Variants in PTPRT observed in about 807,000 individuals in gnomAD.
PTPRT encodes receptor-type tyrosine-protein phosphatase T.
PTPRT carries 56 observed loss-of-function variants against 176.8 expected under a neutral mutation model. The observed-to-expected ratio is 0.32, with a 90% CI of 0.26 to 0.40. The LOEUF is 0.40. Among genes scored for constraint, PTPRT ranks in the 10% least tolerant of loss-of-function variants. PTPRT has a pLI of 1.00. For missense variants in PTPRT, 1,540 were observed against 1,908.2 expected (o/e 0.81, Z 3.60); for synonymous variants, 783 against 739.0 (o/e 1.06, Z -0.96).
intron 7 of PTPRT, among the ~76,000 whole-genome samples, chr20:42,585,070 G>A (rs1601322224): frequency 1.3e-5 from 2 of 152,154 alleles, no homozygotes; most frequent in East Asian, 1.9e-4. Context: ...TATTTGCTAC[G>A]TGGATACATG....
At chr20:42,774,911 T>C (rs1287226966) in intron 4 of PTPRT, among the ~76,000 whole-genome samples, 1 of 152,164 alleles carries the variant, frequency 6.6e-6, no homozygotes, top group Non-Finnish European at 1.5e-5. Flanking sequence ...TCCTGGCCTC[T>C]CTGACCCTCC....
intron 7 of PTPRT, among the ~76,000 whole-genome samples, chr20:42,589,496 G>C (rs1055528896): frequency 1.3e-5 from 2 of 152,186 alleles, no homozygotes; most frequent in African/African-American, 4.8e-5. Flanking sequence ...CATTTCTCCT[G>C]CATCCATCTT....
intron 2 of PTPRT, among the ~76,000 whole-genome samples, chr20:42,811,157 G>A (rs546168956): frequency 6.6e-6 from 1 of 152,238 alleles, no homozygotes; most frequent in African/African-American, 2.4e-5. Context: ...TATTCATTTT[G>A]AGGAATTCAA....
chr20:42,676,293 T>A (rs920231851), intron 7 of PTPRT, among the ~76,000 whole-genome samples: 1 of 152,214 alleles, frequency 6.6e-6, no homozygotes, highest in Non-Finnish European at 1.5e-5. Context: ...ATTTTTTCCA[T>A]AATCCCTGTG....
chr20:42,792,214 A>G (rs576347891), intron 2 of PTPRT, among the ~76,000 whole-genome samples: 1 of 152,312 alleles, frequency 6.6e-6, no homozygotes, highest in South Asian at 2.1e-4. Flanking sequence ...ACATGGCCCA[A>G]AAGCCCAACC....
chr20:42,224,359 T>C (rs149739480), intron 15 of PTPRT, among the ~76,000 whole-genome samples: 1 of 152,228 alleles, frequency 6.6e-6, no homozygotes, highest in South Asian at 2.1e-4. Flanking sequence ...ATGACCTCTG[T>C]ACATTTATGA....
At chr20:42,603,502 G>A (rs993930949) in intron 7 of PTPRT, among the ~76,000 whole-genome samples, 1 of 152,152 alleles carries the variant, frequency 6.6e-6, no homozygotes, top group Non-Finnish European at 1.5e-5. Flanking sequence ...GAGAATAGAA[G>A]GAGATGAGCT....
At chr20:42,032,018 A>G in the PTPRT span, among the ~76,000 whole-genome samples, 1 of 152,166 alleles carries the variant, frequency 6.6e-6, no homozygotes, top group Non-Finnish European at 1.5e-5. Flanking sequence ...GCCCAATGTC[A>G]CACATCTAGT....
intron 7 of PTPRT, among the ~76,000 whole-genome samples, chr20:42,500,779 A>G (rs552296864): frequency 3.3e-5 from 5 of 152,248 alleles, no homozygotes; most frequent in African/African-American, 1.2e-4. Context: ...TATAAGGGGT[A>G]TTTTTAGTTT....
intron 1 of PTPRT, among the ~76,000 whole-genome samples, chr20:43,122,884 G>A (rs890886529): frequency 1.1e-4 from 16 of 152,058 alleles, no homozygotes; most frequent in African/African-American, 3.1e-4. Context: ...ATGGAGTTTC[G>A]GTCTTGTTGC....
intron 1 of PTPRT, among the ~76,000 whole-genome samples, chr20:43,091,464 C>A (rs201930312): frequency 7.0e-6 from 1 of 143,306 alleles, no homozygotes; most frequent in East Asian, 2.0e-4. Context: ...CTCTCTCCCC[C>A]CTCTCTTTCT....
At chr20:42,086,726 C>CAA (rs367948746) in intron 27 of PTPRT, among the ~76,000 whole-genome samples, 33 of 82,158 alleles carry the variant, frequency 4.0e-4, no homozygotes, top group African/African-American at 5.6e-4. Flanking sequence ...GACTCCATCT[C>CAA]AAAAAAAAAA....
rs1210265180 is a variant in PTPRT, at chr20:42,148,281, T to TG, written c.2683-6280_2683-6279insC. 6.5e-3 allele frequency among the ~76,000 whole-genome samples: 956 copies of TG among 146,986 alleles called. 9 individuals are homozygous for TG. The highest frequency in any genetic ancestry group is 0.023 in the African/African-American group (878 of 37,440). On this transcript the variant is annotated intron_variant, in intron 17 of 30. Coordinates refer to ENST00000373187, the MANE Select transcript of PTPRT (RefSeq NM_007050.6). ...AGTCATTTTTTTTTTTTTTTTTTTT[T>TG]TAGTTCAAAAGATGTATTTGGGGAT...
At chr20:42,912,493 G>C (rs1015928582) in intron 1 of PTPRT, among the ~76,000 whole-genome samples, 4 of 151,966 alleles carry the variant, frequency 2.6e-5, no homozygotes, top group African/African-American at 9.7e-5. Flanking sequence ...CATTTCTCTA[G>C]TTTCTTTTAA....
rs571943555 is a variant in PTPRT at position 42,516,261 on chromosome 20, ATAAAT to A, written c.1154-43704_1154-43700del. Among the ~76,000 whole-genome samples, 3 of 151,876 alleles carry A rather than the reference ATAAAT, an allele frequency of 2.0e-5. No individual in the cohort carries two copies. The South Asian group carries it at 6.2e-4, about 32-fold the overall frequency. On this transcript the variant is annotated intron_variant, in intron 7 of 30. Transcript: ENST00000373187. ...CTAAAACTTAAAGTATAATAAAAAA[ATAAAT>A]TAAAAAAAAAAAGAATGAACACATC...
At chr20:42,836,248 C>T (rs1460316889) in intron 2 of PTPRT, among the ~76,000 whole-genome samples, 2 of 152,130 alleles carry the variant, frequency 1.3e-5, no homozygotes, top group Admixed American at 1.3e-4. Flanking sequence ...TGTTCCCACC[C>T]CAGACCCTCC....
At chr20:43,047,880 C>T (rs1329081263) in intron 1 of PTPRT, among the ~76,000 whole-genome samples, 1 of 152,102 alleles carries the variant, frequency 6.6e-6, no homozygotes, top group Non-Finnish European at 1.5e-5. Context: ...ACAAATTACC[C>T]AAAGTCACAC....
chr20:42,091,809 G>GGA (rs144848809), intron 27 of PTPRT, among the ~76,000 whole-genome samples: 1 of 151,806 alleles, frequency 6.6e-6, no homozygotes, highest in Non-Finnish European at 1.5e-5. Flanking sequence ...GAGAGAGGGG[G>GGA]GAGAGAGAGA....
intron 6 of PTPRT, among the ~76,000 whole-genome samples, chr20:42,730,729 T>C (rs542736962): frequency 5.7e-4 from 87 of 152,286 alleles, no homozygotes; most frequent in African/African-American, 2.0e-3. Context: ...TCAGCCAAGA[T>C]CATGTTTGCT....
Sources: gnomAD v4.1 joint callset for allele counts (sites outside exome capture counted in the v4.1 genomes callset) on GRCh38, gnomAD v4.1.1 for gene constraint, MANE v1.5 for transcripts, NCBI Gene and HGNC (gene_info 2026-07-23, HGNC 2026-07-21) for gene names.